The following PTPN2 variants were observed in gnomAD, a reference collection of about 807,000 sequenced individuals.
PTPN2 encodes the protein protein tyrosine phosphatase non-receptor type 2.
Under a neutral mutation model 57.3 loss-of-function variants are expected in PTPN2, and 19 were observed. That is an observed-to-expected ratio of 0.33 (90% CI 0.23 to 0.49). The LOEUF is 0.49. Among genes scored for constraint, PTPN2 ranks in the 20% least tolerant of loss-of-function variants. The pLI is 0.99. For synonymous variants in PTPN2, 153 were observed against 164.9 expected, an observed-to-expected ratio of 0.93 and a Z score of 0.55; for missense variants, 358 against 501.1, an observed-to-expected ratio of 0.71 and a Z score of 2.73.
chr18:12,786,581 G>C (rs2040849800), intron 9 of PTPN2: 1 of 152,136 alleles, frequency 6.6e-6, no homozygotes, highest in Admixed American at 6.5e-5. Context: ...CCCAAACTTT[G>C]CAAGTAACAA....
chr18:12,842,311 C>T (rs374254413), intron 2 of PTPN2, among the ~76,000 whole-genome samples: 1 of 152,188 alleles, frequency 6.6e-6, no homozygotes, highest in Non-Finnish European at 1.5e-5. Flanking sequence ...TAACTTTCAT[C>T]ACATCCAAAG....
chr18:12,859,111 C>A, intron 2 of PTPN2, 53 bp downstream of exon 2: 2 of 1,373,796 alleles, frequency 1.5e-6, no homozygotes, highest in Non-Finnish European at 2.1e-6. Flanking sequence ...CTACATCCTG[C>A]CTCCTAAAAC....
chr18:12,883,889 T>TA (rs1555682676), intron 1 of PTPN2, 184 bp downstream of exon 1: 101 of 471,326 alleles, frequency 2.1e-4, no homozygotes, highest in Non-Finnish European at 2.6e-4. Context: ...TTTTTTTTTT[T>TA]AAACCAAAAG....
At chr18:12,882,247 T>C (rs2044688878) in intron 1 of PTPN2, among the ~76,000 whole-genome samples, 1 of 152,204 alleles carries the variant, frequency 6.6e-6, no homozygotes, top group South Asian at 2.1e-4. Flanking sequence ...CTGACCAAAC[T>C]AATGGTCTTG....
chr18:12,835,382 C>CTTTCTTTTTTTTTTTTTT (rs2042821259), intron 3 of PTPN2, among the ~76,000 whole-genome samples: 7 of 99,030 alleles, frequency 7.1e-5, no homozygotes, highest in African/African-American at 2.9e-4. Context: ...TCACATATGT[C>CTTTCTTTTTTTTTTTTTT]TTTTTTTTTT....
chr18:12,816,640 T>C (rs1248560025), intron 6 of PTPN2, among the ~76,000 whole-genome samples: 4 of 152,006 alleles, frequency 2.6e-5, no homozygotes, highest in South Asian at 2.1e-4. Flanking sequence ...GAATTAGCCG[T>C]TGGGGGCACA....
exon 10 of PTPN2, chr18:12,785,556 TCCC>T (rs1330304221): frequency 3.8e-6 from 2 of 522,526 alleles, no homozygotes; most frequent in South Asian, 2.5e-5. Context: ...CAAAGTAATC[TCCC>T]CTAATTTATT....
At chr18:12,839,265 A>G (rs2042968085) in intron 2 of PTPN2, among the ~76,000 whole-genome samples, 1 of 152,224 alleles carries the variant, frequency 6.6e-6, no homozygotes, top group Non-Finnish European at 1.5e-5. Context: ...GCATATACAC[A>G]GGTTCCCTTA....
chr18:12,876,763 G>A (rs1020764434), intron 1 of PTPN2, among the ~76,000 whole-genome samples: 4 of 152,124 alleles, frequency 2.6e-5, no homozygotes, highest in Non-Finnish European at 4.4e-5. Context: ...GGGAACACAC[G>A]TACATAAAAT....
intron 1 of PTPN2, among the ~76,000 whole-genome samples, chr18:12,861,916 G>T (rs1159316997): frequency 6.6e-6 from 1 of 152,170 alleles, no homozygotes; most frequent in African/African-American, 2.4e-5. Context: ...TAGTAGTAGG[G>T]AGATTTAAAA....
intron 1 of PTPN2, chr18:12,863,678 C>T (rs962598691): frequency 2.6e-5 from 4 of 152,070 alleles, no homozygotes; most frequent in African/African-American, 7.3e-5. Context: ...AAACTCTCTC[C>T]AGGCATTGCC....
intron 1 of PTPN2, among the ~76,000 whole-genome samples, chr18:12,883,301 G>A (rs900407936): frequency 5.9e-5 from 9 of 152,214 alleles, no homozygotes; most frequent in African/African-American, 1.9e-4. Flanking sequence ...ATCACTGGAC[G>A]AACACAAGCA....
At chr18:12,883,552 C>T (rs1005524168) in intron 1 of PTPN2, 1 of 152,062 alleles carries the variant, frequency 6.6e-6, no homozygotes, top group African/African-American at 2.4e-5. Context: ...GCCAGCTGGA[C>T]CCGGACGCCG....
intron 8 of PTPN2, among the ~76,000 whole-genome samples, chr18:12,800,584 C>T (rs956459488): frequency 6.6e-6 from 1 of 151,906 alleles, no homozygotes; most frequent in Non-Finnish European, 1.5e-5. Context: ...TATAATAATA[C>T]ATGTATTATA....
chr18:12,864,012 G>A (rs144840020), intron 1 of PTPN2: 1 of 152,130 alleles, frequency 6.6e-6, no homozygotes, highest in African/African-American at 2.4e-5. Context: ...ACAAAGAAAA[G>A]ACTGGTTGAA....
chr18:12,853,657 G>A (rs1160482658), intron 2 of PTPN2, among the ~76,000 whole-genome samples: 2 of 152,114 alleles, frequency 1.3e-5, no homozygotes, highest in African/African-American at 4.8e-5. Flanking sequence ...AGAGAGGAGG[G>A]GAAGAATATT....
At chr18:12,812,099 G>A (rs2041909767) in intron 7 of PTPN2, among the ~76,000 whole-genome samples, 1 of 152,040 alleles carries the variant, frequency 6.6e-6, no homozygotes, top group Non-Finnish European at 1.5e-5. Context: ...TTTACTCTGG[G>A]GGGTTAACTG....
intron 7 of PTPN2, among the ~76,000 whole-genome samples, chr18:12,806,108 T>TA (rs1214540267): frequency 4.6e-5 from 7 of 151,756 alleles, no homozygotes; most frequent in South Asian, 2.1e-4. Context: ...TTATAACTAA[T>TA]AAAAAAAATC....
chr18:12,797,183 T>G (rs1400842077), intron 8 of PTPN2, among the ~76,000 whole-genome samples: 1 of 152,188 alleles, frequency 6.6e-6, no homozygotes, highest in Admixed American at 6.5e-5. Context: ...GAGAGGGGGT[T>G]AGCCTCCCAT....
Sources: allele counts gnomAD v4.1 joint callset (sites outside exome capture counted in the v4.1 genomes callset), GRCh38; gene constraint gnomAD v4.1.1; transcripts MANE v1.5; gene names NCBI Gene and HGNC (gene_info 2026-07-23, HGNC 2026-07-21).